Variants in GOLGA2 observed in about 807,000 individuals in gnomAD.
GOLGA2 encodes golgin subfamily A member 2.
Under a neutral mutation model 148.8 loss-of-function variants are expected in GOLGA2, and 49 were observed. The observed-to-expected ratio is 0.33, with a 90% confidence interval of 0.26 to 0.42. The LOEUF is 0.42. Among genes scored for constraint, GOLGA2 ranks in the 10% least tolerant of loss-of-function variants. The pLI is 1.00. For missense variants in GOLGA2, 1,178 were observed against 1,304.6 expected (o/e 0.90, Z 1.49); for synonymous variants, 501 against 511.8 (o/e 0.98, Z 0.28).
chr9:128,258,567 TCTC>T lies in GOLGA2; in HGVS notation c.2174_2176del (p.Gly725del). The T allele has an allele frequency of 6.4e-7, 1 of 1,560,198 alleles. No individual in the cohort carries two copies. The highest frequency in any genetic ancestry group is 8.7e-7 in the Non-Finnish European group (1 of 1,152,984). ...CTCCTCCTCCTCCCGGTCCAGTCCA[TCTC>T]CTATGGGGGTGGCCAGAGGGGTCAT... On this transcript the variant is annotated inframe_deletion and splice_region_variant, in exon 22 of 27. Coordinates refer to ENST00000611957, the MANE Select transcript of GOLGA2 (RefSeq NM_001366244.2). The surrounding 1 kb of genome is among the most constrained non-coding windows in gnomAD (Gnocchi z 6.6).
In GOLGA2 at chr9:128,262,611, C is replaced by A. The variant is rs1417532099; in HGVS notation, c.1086G>T (p.Leu362Phe). The A allele has an allele frequency of 6.2e-7, 1 of 1,613,938 alleles. No homozygotes were observed. The highest frequency in any genetic ancestry group is 1.3e-5 in the African/African-American group (1 of 74,932). Reference protein sequence around the residue: ...VTEKAGMQLNLEELQKKLEMT... With the variant: ...VTEKAGMQLNFEELQKKLEMT... The stretch of plus-strand genomic sequence containing the variant: ...TCTCTAACTTCTTTTGCAATTCTTC[C>A]AAGTTAAGCTGCATGCCAGCCTTCT... The change falls in exon 14 of 27, where the codon TTG becomes TTT. Residue 362 changes from leucine (L) to phenylalanine (F), a missense_variant. This residue lies in a region of GOLGA2 where 304 missense variants were observed against 404.1 expected (regional missense o/e 0.75). Coordinates refer to ENST00000611957, the MANE Select transcript of GOLGA2 (RefSeq NM_001366244.2).
intron 3 of GOLGA2, 107 bp from the exon 4 acceptor site, chr9:128,268,631 G>A: frequency 1.5e-6 from 1 of 666,144 alleles, no homozygotes; most frequent in South Asian, 1.7e-5. Context: ...TGCAGTCAGA[G>A]TGACAGTCAC....
In GOLGA2 at chr9:128,261,364, CTCTGGCT is replaced by C; in HGVS notation, c.1332+83_1332+89del. The C allele has an allele frequency of 8.2e-7, 1 of 1,213,760 alleles. No individual in the cohort carries two copies. The highest frequency in any genetic ancestry group is 1.2e-6 in the Non-Finnish European group (1 of 815,244). 75.2% of individuals were successfully genotyped at this position (1,213,760 alleles called of 1,614,324 possible). A position where few individuals can be genotyped will look rare whatever the true frequency, so the allele number is the denominator to read the frequency against. On this transcript the variant is annotated intron_variant, in intron 16 of 26. Coordinates refer to ENST00000611957, the MANE Select transcript of GOLGA2 (RefSeq NM_001366244.2). The surrounding 1 kb of genome is among the most constrained non-coding windows in gnomAD (Gnocchi z 5.7). The stretch of plus-strand genomic sequence containing the variant: ...CCACAAAGCCCAGACCCATGACCAC[CTCTGGCT>C]GTGCTCCTCCCATTTCGCAGATGCC...
chr9:128,267,409 T>C (rs1830657740), intron 7 of GOLGA2, 49 bp downstream of exon 7: 2 of 1,537,194 alleles, frequency 1.3e-6, no homozygotes, highest in Non-Finnish European at 1.8e-6. Context: ...GGGAGGAGGT[T>C]GGAGGGCTGG....
rs990687610 is a variant in GOLGA2 at position 128,271,655 on chromosome 9, G to C, written c.288+1130C>G. ...AATGTTACCCACCTTTAATCTTCAA[G>C]CCAGCTTCAAATGCCACCTTCTCCA... On this transcript the variant is annotated intron_variant, in intron 3 of 26. Transcript: ENST00000611957. The surrounding 1 kb of genome is among the most constrained non-coding windows in gnomAD (Gnocchi z 4.4). 6.6e-6 allele frequency among the ~76,000 whole-genome samples: 1 copy of C among 151,808 alleles called. No homozygotes were observed. Among genetic ancestry groups the C allele is most frequent in the African/African-American group, 2.4e-5 (1 of 41,272 alleles).
chr9:128,264,160 GTCTCAAA>G (rs1830450147), intron 12 of GOLGA2, among the ~76,000 whole-genome samples: 2 of 149,092 alleles, frequency 1.3e-5, no homozygotes, highest in African/African-American at 4.9e-5. Context: ...GTGAGACTCC[GTCTCAAA>G]AAAAAAGGAC....
rs773728974 is a variant in GOLGA2, at chr9:128,262,604, A to G, written c.1093T>C (p.Leu365=). ...TCCGTCATCTCTAACTTCTTTTGCA[A>G]TTCTTCCAAGTTAAGCTGCATGCCA... The part of the protein sequence containing the change: ...KAGMQLNLEE[L]QKKLEMTELL... The change falls in exon 14 of 27, where the codon TTG becomes CTG. Residue 365 remains leucine (L), a synonymous_variant. Transcript: ENST00000611957. The G allele has an allele frequency of 6.8e-6, 11 of 1,614,094 alleles. No homozygotes were observed. The highest frequency in any genetic ancestry group is 1.3e-5 in the African/African-American group (1 of 75,040).
chr9:128,259,286 T>C lies in GOLGA2; in HGVS notation c.1978A>G (p.Lys660Glu). 6.2e-7 allele frequency: 1 copy of C among 1,611,630 alleles called. No individual in the cohort carries two copies. Among genetic ancestry groups the C allele is most frequent in the Non-Finnish European group, 8.5e-7 (1 of 1,178,984 alleles). The part of the protein sequence containing the change: ...VAAYQQLTSE[K>E]EVLHNQLLLQ... ...AGTAGCTGATTATGCAGCACCTCCTTCTCAGAGGTCAGCTGCTGATAGGCG... is the reference window on the plus strand; with the variant it reads ...AGTAGCTGATTATGCAGCACCTCCTCCTCAGAGGTCAGCTGCTGATAGGCG... Residue 660 changes from lysine to glutamate, a missense_variant, in exon 20 of 27, where the codon AAG becomes GAG. Coordinates refer to ENST00000611957, the MANE Select transcript of GOLGA2 (RefSeq NM_001366244.2).
At chr9:128,263,953 G>T (rs1317786242) in intron 12 of GOLGA2, among the ~76,000 whole-genome samples, 1 of 148,558 alleles carries the variant, frequency 6.7e-6, no homozygotes, top group Non-Finnish European at 1.5e-5. Context: ...TCAGGGGATC[G>T]AGACCATCCT....
At chr9:128,268,668 G>A in intron 3 of GOLGA2, 144 bp from the exon 4 acceptor site, 1 of 607,142 alleles carries the variant, frequency 1.6e-6, no homozygotes. Flanking sequence ...TCAGGGGTGT[G>A]GATTGGTTGC....
Position 128,266,305 on chromosome 9 carries a change from A to G in GOLGA2, c.663T>C (p.Ile221=), listed in dbSNP as rs1298552263. 3 of 1,613,120 alleles carry G rather than the reference A, an allele frequency of 1.9e-6. No homozygotes were observed. In the African/African-American group the frequency reaches 4.0e-5, roughly 22 times the overall value. The part of the protein sequence containing the change: ...IEKLKQQNQE[I]TDQLEEEKKE... ...ACGTTACTTCTTCCAACTGATCCGT[A>G]ATTTCTTGGTTCTGTTGTTTCTGTG... The change falls in exon 9 of 27, where the codon ATT becomes ATC. Residue 221 remains isoleucine, a synonymous_variant. Transcript: ENST00000611957. The surrounding 1 kb of genome is among the most constrained non-coding windows in gnomAD (Gnocchi z 4.2).
chr9:128,273,827 G>A (rs755059506), intron 2 of GOLGA2, 23 bp downstream of exon 2: 2 of 1,613,180 alleles, frequency 1.2e-6, no homozygotes, highest in South Asian at 1.1e-5. Flanking sequence ...CTGTCCCCAG[G>A]AGCCTGGCCA....
Position 128,257,099 on chromosome 9 carries a change from C to T in GOLGA2, c.3058G>A (p.Glu1020Lys). The T allele has an allele frequency of 6.2e-7, 1 of 1,613,948 alleles. No homozygotes were observed. The highest frequency in any genetic ancestry group is 8.5e-7 in the Non-Finnish European group (1 of 1,179,884). ...ACAGTGATCTTCACCTCATCATTCTCGTCAGCCCGGTAAAAAAAAGGAATG... is the reference window on the plus strand; with the variant it reads ...ACAGTGATCTTCACCTCATCATTCTTGTCAGCCCGGTAAAAAAAAGGAATG... ...PCIPFFYRAD[E>K]NDEVKITVI Residue 1020 changes from glutamate (E) to lysine (K), a missense_variant, in exon 27 of 27, where the codon GAG becomes AAG. By Grantham distance (56) the Glu-to-Lys change is moderately conservative. Around this residue, in one of 5 missense-constraint regions of GOLGA2, gnomAD observed 149 missense variants for 154.9 expected, o/e 0.96. Coordinates refer to ENST00000611957, the MANE Select transcript of GOLGA2 (RefSeq NM_001366244.2). This position sits in a 1 kb window ranked among gnomAD's most constrained non-coding sequence, Gnocchi z 8.0.
At position 128,265,895 on chromosome 9, in the gene GOLGA2, C is replaced by T. The variant is rs1163651657; in HGVS notation, c.733-14G>A. 1 of 1,609,226 alleles carries T rather than the reference C, an allele frequency of 6.2e-7. No individual in the cohort carries two copies. Among genetic ancestry groups the T allele is most frequent in the Non-Finnish European group, 8.5e-7 (1 of 1,175,544 alleles). On this transcript the variant is annotated splice_polypyrimidine_tract_variant and intron_variant, in intron 10 of 26. Coordinates refer to ENST00000611957, the MANE Select transcript of GOLGA2 (RefSeq NM_001366244.2). ...CTGAATGTGAACCTTTGGGAGGAAA[C>T]CCAAGCAAGTGCTGAAAAAGAAGGA... is the stretch of plus-strand genomic sequence containing the variant.
Position 128,260,423 on chromosome 9 carries a change from G to A in GOLGA2, c.1758+42C>T, listed in dbSNP as rs1383118175. On this transcript the variant is annotated intron_variant, in intron 18 of 26. Transcript: ENST00000611957. The surrounding 1 kb of genome is among the most constrained non-coding windows in gnomAD (Gnocchi z 4.8). ...ACAGGTGGGAAAACAAAGGTCTGGA[G>A]GGCTAGGGAGGAGGGCGGGCTCTCC... 2.0e-6 allele frequency: 3 copies of A among 1,508,270 alleles called. No individual in the cohort carries two copies. Among genetic ancestry groups the A allele is most frequent in the Admixed American group, 3.4e-5 (2 of 58,950 alleles). 93.4% of individuals were successfully genotyped at this position (1,508,270 alleles called of 1,614,324 possible).
intron 3 of GOLGA2, among the ~76,000 whole-genome samples, chr9:128,269,531 G>A (rs1830805104): frequency 6.6e-6 from 1 of 152,168 alleles, no homozygotes; most frequent in Non-Finnish European, 1.5e-5. Context: ...TTGGGGTCAT[G>A]TGGAGCCTCT....
chr9:128,269,285 G>A (rs1364039689), intron 3 of GOLGA2, among the ~76,000 whole-genome samples: 13 of 144,136 alleles, frequency 9.0e-5, no homozygotes, highest in East Asian at 4.0e-4. Context: ...TTTTCAGGGG[G>A]AAAAAAAAAA....
chr9:128,275,418 G>A lies in GOLGA2; in HGVS notation c.84+475C>T, dbSNP rs888036977. On this transcript the variant is annotated intron_variant, in intron 1 of 26. Coordinates refer to ENST00000611957, the MANE Select transcript of GOLGA2 (RefSeq NM_001366244.2). Reference sequence around the variant, plus strand: ...AGTCGCCGCTCCGCGATGGGGGAGGGGACCGCAGGGCCAGGACCCAGGTCC... The same window carrying A: ...AGTCGCCGCTCCGCGATGGGGGAGGAGACCGCAGGGCCAGGACCCAGGTCC... 6.2e-6 allele frequency: 8 copies of A among 1,294,026 alleles called. No homozygotes were observed. In the African/African-American group the frequency reaches 1.2e-4, roughly 20 times the overall value. 80.2% of individuals were successfully genotyped at this position (1,294,026 alleles called of 1,614,324 possible). A position where few individuals can be genotyped will look rare whatever the true frequency, so the allele number is the denominator to read the frequency against.
rs774876426 is a variant in GOLGA2 at position 128,259,030 on chromosome 9, C to T, written c.2150G>A (p.Ser717Asn). Reference sequence around the variant, plus strand: ...ACCTTCCCCAGGGTGAGCCATGAGGCTCAACTGGGCCCGTAGCTGCTGATT... The same window carrying T: ...ACCTTCCCCAGGGTGAGCCATGAGGTTCAACTGGGCCCGTAGCTGCTGATT... The part of the protein sequence containing the change: ...QQNQQLRAQL[S>N]LMAHPGEGDG... Residue 717 changes from serine to asparagine, a missense_variant, in exon 21 of 27, where the codon AGC becomes AAC. Physicochemically the swap from Ser to Asn is conservative, Grantham distance 46 (BLOSUM62 1). Coordinates refer to ENST00000611957, the MANE Select transcript of GOLGA2 (RefSeq NM_001366244.2). The T allele has an allele frequency of 4.4e-6, 7 of 1,608,220 alleles. No individual in the cohort carries two copies. The highest frequency in any genetic ancestry group is 5.9e-6 in the Non-Finnish European group (7 of 1,177,564).
Sources: allele counts gnomAD v4.1 joint callset (sites outside exome capture counted in the v4.1 genomes callset), GRCh38; gene constraint gnomAD v4.1.1; regional missense constraint gnomAD v4.1.1; non-coding constraint Gnocchi (gnomAD v3.1); transcripts MANE v1.5; gene names NCBI Gene and HGNC (gene_info 2026-07-23, HGNC 2026-07-21).